The following CDK14 variants were observed in gnomAD, a reference collection of about 807,000 sequenced individuals.
CDK14 encodes the protein cyclin-dependent kinase 14.
Under a neutral mutation model 60.7 loss-of-function variants are expected in CDK14, and 34 were observed. The observed-to-expected ratio is 0.56, with a 90% CI of 0.43 to 0.75. The LOEUF (loss-of-function observed/expected upper bound fraction) is 0.75, where lower values mean the gene tolerates loss of function less well. Among genes scored for constraint, CDK14 ranks in the 30% least tolerant of loss-of-function variants. CDK14 has a pLI of 0.00. For missense variants in CDK14, 482 were observed against 564.1 expected, an observed-to-expected ratio of 0.85 and a Z score of 1.47; for synonymous variants, 197 against 203.7, an observed-to-expected ratio of 0.97 and a Z score of 0.28.
chr7:90,990,530 GA>G (rs1461300225), intron 10 of CDK14, among the ~76,000 whole-genome samples: 1 of 151,878 alleles, frequency 6.6e-6, no homozygotes. Flanking sequence ...TTTACATGGC[GA>G]AAAATCTTTT....
At chr7:90,611,642 G>A (rs964037466) in intron 2 of CDK14, among the ~76,000 whole-genome samples, 1 of 152,116 alleles carries the variant, frequency 6.6e-6, no homozygotes, top group Non-Finnish European at 1.5e-5. Context: ...TTGTATAACT[G>A]ACTTCCCTGC....
rs76748681 is a variant in CDK14, at chr7:91,027,353, A to C, written c.1042-18544A>C. On this transcript the variant is annotated intron_variant, in intron 10 of 14. Transcript: ENST00000380050. ...AATACTGACAATTACCCCATATCTC[A>C]GTGTCATCCAGAGAACTGCAGACAT... Among the ~76,000 whole-genome samples the C allele has an allele frequency of 4.7e-3, 709 of 152,316 alleles. 9 individuals are homozygous for C. Among genetic ancestry groups the C allele is most frequent in the African/African-American group, 0.015 (637 of 41,574 alleles).
intron 5 of CDK14, among the ~76,000 whole-genome samples, chr7:90,853,272 G>A (rs930917384): frequency 1.3e-5 from 2 of 151,962 alleles, no homozygotes; most frequent in Admixed American, 6.6e-5. Flanking sequence ...TCAACTGAAC[G>A]GGAAAAAACT....
In CDK14 at chr7:91,208,444, G is replaced by C. The variant is rs554830371; in HGVS notation, c.*1308G>C. ...TCCCAGTGGGGCAGGCCTCGCTGCA[G>C]AATGCCCAGTAGTACTGCGGCCAAG... is the stretch of plus-strand genomic sequence containing the variant. On this transcript the variant is annotated 3_prime_UTR_variant, in exon 15 of 15. Transcript: ENST00000380050. 4 of 152,630 alleles carry C rather than the reference G, an allele frequency of 2.6e-5. No individual in the cohort carries two copies. The highest frequency in any genetic ancestry group is 2.9e-5 in the Non-Finnish European group (2 of 68,068). The allele number at this position is 152,630 out of a possible 1,614,324, so 9.5% of individuals were successfully genotyped here. A position where few individuals can be genotyped will look rare whatever the true frequency, so the allele number is the denominator to read the frequency against.
At chr7:91,085,866 C>T (rs910858187) in intron 12 of CDK14, among the ~76,000 whole-genome samples, 1 of 152,236 alleles carries the variant, frequency 6.6e-6, no homozygotes, top group Non-Finnish European at 1.5e-5. Flanking sequence ...CCGCTGGCCT[C>T]TGAGGTAACT....
At chr7:90,621,011 A>G (rs1799754522) in intron 2 of CDK14, among the ~76,000 whole-genome samples, 1 of 152,164 alleles carries the variant, frequency 6.6e-6, no homozygotes, top group South Asian at 2.1e-4. Context: ...TTTTTGGTGG[A>G]TGGGAGTTTG....
intron 2 of CDK14, among the ~76,000 whole-genome samples, chr7:90,706,590 G>A (rs1801901466): frequency 6.6e-6 from 1 of 152,082 alleles, no homozygotes; most frequent in Non-Finnish European, 1.5e-5. Flanking sequence ...GGGGAGGGAG[G>A]AGCAACAGCA....
chr7:90,773,800 G>A (rs976402639), intron 4 of CDK14, among the ~76,000 whole-genome samples: 1 of 150,162 alleles, frequency 6.7e-6, no homozygotes, highest in Admixed American at 6.7e-5. Context: ...CACTGGCATA[G>A]GTCTTCTCTT....
intron 9 of CDK14, among the ~76,000 whole-genome samples, chr7:90,978,883 C>T (rs1795149155): frequency 6.6e-6 from 1 of 152,106 alleles, no homozygotes; most frequent in South Asian, 2.1e-4. Context: ...CTATTATTTA[C>T]AAATAATCAT....
chr7:90,794,289 G>T (rs1805958822), intron 5 of CDK14, among the ~76,000 whole-genome samples: 1 of 152,160 alleles, frequency 6.6e-6, no homozygotes, highest in Non-Finnish European at 1.5e-5. Flanking sequence ...GAAGTTTCGG[G>T]CACGCATTGT....
intron 10 of CDK14, among the ~76,000 whole-genome samples, chr7:90,986,660 A>T (rs1795379889): frequency 1.3e-5 from 2 of 151,970 alleles, no homozygotes; most frequent in East Asian, 3.8e-4. Context: ...TATATTTTGT[A>T]TTGACAAAAA....
intron 8 of CDK14, among the ~76,000 whole-genome samples, chr7:90,928,910 G>A (rs1350835526): frequency 6.6e-6 from 1 of 152,160 alleles, no homozygotes; most frequent in East Asian, 1.9e-4. Flanking sequence ...ACCTACTCAA[G>A]CCTCAGCAAT....
intron 3 of CDK14, among the ~76,000 whole-genome samples, chr7:90,747,090 T>C (rs1036452511): frequency 2.6e-5 from 4 of 152,228 alleles, no homozygotes; most frequent in African/African-American, 9.6e-5. Context: ...TGACCACGAC[T>C]GTGTTTCAGT....
At chr7:90,829,937 C>T (rs1488114849) in intron 5 of CDK14, among the ~76,000 whole-genome samples, 1 of 152,220 alleles carries the variant, frequency 6.6e-6, no homozygotes, top group East Asian at 1.9e-4. Flanking sequence ...GCAGCTCTGC[C>T]TCTGTGGCTT....
chr7:90,753,399 C>G (rs971404335), intron 4 of CDK14, among the ~76,000 whole-genome samples: 6 of 152,136 alleles, frequency 3.9e-5, no homozygotes, highest in African/African-American at 1.4e-4. Context: ...TTGATCATCT[C>G]AGTCGATTTG....
intron 5 of CDK14, among the ~76,000 whole-genome samples, chr7:90,849,233 G>A (rs1268983650): frequency 1.3e-5 from 2 of 150,236 alleles, no homozygotes; most frequent in Non-Finnish European, 2.9e-5. Context: ...CTTGCTTCCC[G>A]AGCCCTTGCT....
intron 10 of CDK14, among the ~76,000 whole-genome samples, chr7:91,029,712 T>C (rs986008442): frequency 3.3e-5 from 5 of 151,280 alleles, no homozygotes; most frequent in African/African-American, 1.2e-4. Flanking sequence ...TTGGTCATTA[T>C]TGGTGTGTAG....
At chr7:90,960,885 A>G (rs1261227329) in intron 9 of CDK14, among the ~76,000 whole-genome samples, 1 of 152,150 alleles carries the variant, frequency 6.6e-6, no homozygotes, top group Non-Finnish European at 1.5e-5. Flanking sequence ...GTTTGATTTG[A>G]GACTTGAGTA....
At chr7:90,676,527 A>ATT (rs60056655) in intron 2 of CDK14, among the ~76,000 whole-genome samples, 3 of 142,034 alleles carry the variant, frequency 2.1e-5, no homozygotes, top group Non-Finnish European at 1.5e-5. Context: ...TAGATGTTTC[A>ATT]TTTTTTTTTT....
Sources: gnomAD v4.1 joint callset for allele counts (sites outside exome capture counted in the v4.1 genomes callset) on GRCh38, gnomAD v4.1.1 for gene constraint, MANE v1.5 for transcripts, NCBI Gene and HGNC (gene_info 2026-07-23, HGNC 2026-07-21) for gene names.